SH3GL1: variants seen among roughly 807,000 people sequenced by gnomAD.
SH3GL1 encodes the protein endophilin-A2.
A neutral mutation model predicts 48.8 loss-of-function variants in SH3GL1; 21 were observed. That is an observed-to-expected ratio of 0.43 (90% CI 0.30 to 0.62). The LOEUF (loss-of-function observed/expected upper bound fraction) is 0.62. Among genes scored for constraint, SH3GL1 ranks in the 20% least tolerant of loss-of-function variants. The pLI is 0.11. For missense variants in SH3GL1, 454 were observed against 503.0 expected (o/e 0.90, Z 0.93); for synonymous variants, 282 against 217.5 (o/e 1.30, Z -2.61).
chr19:4,397,975 T>C (rs1973454318), intron 1 of SH3GL1, among the ~76,000 whole-genome samples: 1 of 152,098 alleles, frequency 6.6e-6, no homozygotes, highest in African/African-American at 2.4e-5. Flanking sequence ...GCCTCCCAAG[T>C]AGCTGGGACT....
intron 1 of SH3GL1, among the ~76,000 whole-genome samples, chr19:4,375,930 C>T (rs1453416339): frequency 6.6e-6 from 1 of 152,186 alleles, no homozygotes; most frequent in Non-Finnish European, 1.5e-5. Context: ...ATGACATCAC[C>T]CACATGCACA....
Position 4,361,799 on chromosome 19 carries a change from G to A in SH3GL1, c.911-3C>T, listed in dbSNP as rs768746858. The A allele has an allele frequency of 2.6e-5, 42 of 1,602,406 alleles. No homozygotes were observed. In the South Asian group the frequency reaches 4.3e-4, roughly 16 times the overall value. On this transcript the variant is annotated splice_polypyrimidine_tract_variant and splice_region_variant and intron_variant, in intron 9 of 9. Coordinates refer to ENST00000269886, the MANE Select transcript of SH3GL1 (RefSeq NM_003025.4). ...GCAGCTCGGCTGGTCCAGGGGCGCT[G>A]GGGGCGGGAGCGGGCTGTGGGGCTG...
At chr19:4,382,055 G>A (rs10403835) in intron 1 of SH3GL1, among the ~76,000 whole-genome samples, 13 of 152,074 alleles carry the variant, frequency 8.5e-5, no homozygotes, top group Non-Finnish European at 1.9e-4. Flanking sequence ...GATACTATGA[G>A]CTGCACTCTA....
chr19:4,398,824 A>G (rs1376192213), intron 1 of SH3GL1, among the ~76,000 whole-genome samples: 1 of 152,184 alleles, frequency 6.6e-6, no homozygotes, highest in Admixed American at 6.6e-5. Context: ...TATCAAATGC[A>G]CTTAGGCTGG....
rs138040837 is a variant in SH3GL1 at position 4,365,600 on chromosome 19, G to A, written c.213C>T (p.Leu71=). The part of the protein sequence containing the change: ...NPASRAKLTM[L]NTVSKIRGQV... ...GGCCCCGGATCTTGGACACCGTGTT[G>A]AGCATGGTCAGCTTAGCCCGCGAGG... is the stretch of plus-strand genomic sequence containing the variant. The change falls in exon 4 of 10, where the codon CTC becomes CTT. Residue 71 remains leucine, a synonymous_variant. Transcript: ENST00000269886. 6.2e-7 allele frequency: 1 copy of A among 1,614,026 alleles called. No individual in the cohort carries two copies. The highest frequency in any genetic ancestry group is 1.3e-5 in the African/African-American group (1 of 74,942).
At chr19:4,365,369 G>A in intron 4 of SH3GL1, 113 bp downstream of exon 4, 2 of 1,404,660 alleles carry the variant, frequency 1.4e-6, no homozygotes, top group South Asian at 1.2e-5. Flanking sequence ...AAAGCTGTGG[G>A]GGCCACTGTA....
intron 1 of SH3GL1, among the ~76,000 whole-genome samples, chr19:4,368,570 C>T (rs2144872672): frequency 6.6e-6 from 1 of 152,364 alleles, no homozygotes; most frequent in East Asian, 1.9e-4. Flanking sequence ...ATTCCTGGCC[C>T]TCCTCCAAGG....
chr19:4,373,328 G>C (rs1972940000), intron 1 of SH3GL1, among the ~76,000 whole-genome samples: 1 of 152,180 alleles, frequency 6.6e-6, no homozygotes, highest in African/African-American at 2.4e-5. Context: ...CGACAGCCGG[G>C]GCTCCCCTCA....
intron 5 of SH3GL1, 87 bp downstream of exon 5, chr19:4,364,001 C>G (rs1216009454): frequency 1.9e-6 from 3 of 1,604,476 alleles, no homozygotes; most frequent in Non-Finnish European, 2.6e-6. Context: ...AGGGCAGTGC[C>G]GAGGCTGGAG....
chr19:4,364,144 G>T lies in SH3GL1; in HGVS notation c.409C>A (p.Gln137Lys). ...TTCTGGAGGGGGTCAATGAAGTTCT[G>T]CTTGACCTCGATGTCCAGGGAGTCC... The part of the protein sequence containing the change: ...VKDSLDIEVK[Q>K]NFIDPLQNLC... Residue 137 changes from glutamine (Q) to lysine (K), a missense_variant, in exon 5 of 10, where the codon CAG becomes AAG. Gln to Lys is a moderately conservative substitution (Grantham distance 53). Transcript: ENST00000269886. 1 of 1,613,884 alleles carries T rather than the reference G, an allele frequency of 6.2e-7. No homozygotes were observed. Among genetic ancestry groups the T allele is most frequent in the Non-Finnish European group, 8.5e-7 (1 of 1,179,982 alleles).
chr19:4,382,054 A>G (rs2144902463), intron 1 of SH3GL1, among the ~76,000 whole-genome samples: 1 of 152,138 alleles, frequency 6.6e-6, no homozygotes, highest in South Asian at 2.1e-4. Flanking sequence ...AGATACTATG[A>G]GCTGCACTCT....
In SH3GL1 at chr19:4,366,939, T is replaced by C. The variant is rs1180167866; in HGVS notation, c.101A>G (p.Lys34Arg). Residue 34 changes from lysine (K) to arginine (R), a missense_variant, in exon 2 of 10, where the codon AAA (lysine) becomes AGA (arginine). Around this residue, in one of 2 missense-constraint regions of SH3GL1, gnomAD observed 176 missense variants for 256.2 expected, o/e 0.69. Coordinates refer to ENST00000269886, the MANE Select transcript of SH3GL1 (RefSeq NM_003025.4). ...TTTCTTCCTCACCTTCTCCATCTCT[T>C]TGAAGTCATCATCCAGCTTGGTCCC... ...AEGTKLDDDF[K>R]EMEKKVDVTS... 5 of 1,613,780 alleles carry C rather than the reference T, an allele frequency of 3.1e-6. No homozygotes were observed. Among genetic ancestry groups the C allele is most frequent in the East Asian group, 2.2e-5 (1 of 44,866 alleles).
intron 1 of SH3GL1, among the ~76,000 whole-genome samples, chr19:4,391,697 G>A (rs966475876): frequency 8.5e-5 from 13 of 152,206 alleles, no homozygotes; most frequent in Admixed American, 6.5e-4. Flanking sequence ...CCGGGGAGCC[G>A]TGGGGTGTAA....
At chr19:4,368,177 C>T (rs1972822486) in intron 1 of SH3GL1, among the ~76,000 whole-genome samples, 1 of 152,236 alleles carries the variant, frequency 6.6e-6, no homozygotes, top group Non-Finnish European at 1.5e-5. Flanking sequence ...TGGTGCTCCC[C>T]AGGTCTGATT....
At chr19:4,365,445 G>C (rs752444786) in intron 4 of SH3GL1, 37 bp downstream of exon 4, 12 of 1,611,972 alleles carry the variant, frequency 7.4e-6, no homozygotes, top group Non-Finnish European at 1.0e-5. Context: ...GTGGCCTCCA[G>C]GGACGGTGGG....
chr19:4,384,966 T>G (rs1395533465), intron 1 of SH3GL1, among the ~76,000 whole-genome samples: 1 of 151,926 alleles, frequency 6.6e-6, no homozygotes, highest in African/African-American at 2.4e-5. Flanking sequence ...TATCCGGGTG[T>G]GGTGGTTGGT....
At chr19:4,399,439 A>AGGAGGGAG (rs968134611) in intron 1 of SH3GL1, among the ~76,000 whole-genome samples, 1 of 150,632 alleles carries the variant, frequency 6.6e-6, no homozygotes, top group African/African-American at 2.4e-5. Flanking sequence ...GAGAGAGGCA[A>AGGAGGGAG]GGAGGGAGGG....
At chr19:4,381,231 ATC>A (rs1282640606) in intron 1 of SH3GL1, among the ~76,000 whole-genome samples, 11 of 41,742 alleles carry the variant, frequency 2.6e-4, no homozygotes, top group Non-Finnish European at 3.6e-4. Flanking sequence ...TCTGTCTCCC[ATC>A]TCTCTCTGTC....
chr19:4,387,855 GTTTGTT>G (rs201450815), intron 1 of SH3GL1, among the ~76,000 whole-genome samples: 2,674 of 151,930 alleles, frequency 0.018, 22 homozygotes, highest in Non-Finnish European at 0.027. Context: ...GACGAATTTT[GTTTGTT>G]TTTGTTTTTG....
Sources: allele counts gnomAD v4.1 joint callset (sites outside exome capture counted in the v4.1 genomes callset), GRCh38; gene constraint gnomAD v4.1.1; regional missense constraint gnomAD v4.1.1; transcripts MANE v1.5; gene names NCBI Gene and HGNC (gene_info 2026-07-23, HGNC 2026-07-21).